KLK3: variants seen among roughly 807,000 people sequenced by gnomAD.
KLK3 encodes prostate-specific antigen.
Under a neutral mutation model 27.7 loss-of-function variants are expected in KLK3, and 23 were observed. The ratio of observed to expected loss-of-function variants is 0.83; its 90% CI spans 0.60 to 1.17. The LOEUF (loss-of-function observed/expected upper bound fraction) is 1.17. Among genes scored for constraint, KLK3 ranks in the 50% most tolerant of loss-of-function variants. KLK3 has a pLI of 0.00. For synonymous variants in KLK3, 142 were observed against 134.2 expected (o/e 1.06, Z -0.40); for missense variants, 322 against 338.1 (o/e 0.95, Z 0.37).
chr19:50,859,984 G>T lies in KLK3; in HGVS notation c.643G>T (p.Gly215Cys), dbSNP rs1216213823. Reference sequence around the variant, plus strand: ...CTTTTACCCTTAGGGTGATTCTGGGGGCCCACTTGTCTGTAATGGTGTGCT... The same window carrying T: ...CTTTTACCCTTAGGGTGATTCTGGGTGCCCACTTGTCTGTAATGGTGTGCT... ...GKSTCSGDSG[G>C]PLVCNGVLQG... Residue 215 changes from glycine to cysteine, a missense_variant, in exon 5 of 5, where the codon GGC (glycine) becomes TGC (cysteine). Physicochemically the swap from Gly to Cys is radical, Grantham distance 159 (BLOSUM62 -3). Transcript: ENST00000326003. 6.2e-7 allele frequency: 1 copy of T among 1,612,730 alleles called. No individual in the cohort carries two copies. The highest frequency in any genetic ancestry group is 1.1e-5 in the South Asian group (1 of 90,988).
At chr19:50,855,156 C>A (rs1340967424) in intron 1 of KLK3, 155 bp downstream of exon 1, 1 of 689,728 alleles carries the variant, frequency 1.4e-6, no homozygotes, top group Non-Finnish European at 2.5e-6. Flanking sequence ...ATACCCCCAG[C>A]CCCTCCATAT....
rs1385021003 is a variant in KLK3, at chr19:50,858,472, GA to G, written c.510del (p.Lys170AsnfsTer23). ...IEPEEFLTPK[K>X]LQCVDLHVIS... is the part of the protein sequence containing the mutation. ...CCTGGCCCGTAGTCTTGACCCCAAA[GA>G]AACTTCAGTGTGTGGACCTCCATGT... On this transcript the variant is annotated frameshift_variant, in exon 4 of 5. Coordinates refer to ENST00000326003, the MANE Select transcript of KLK3 (RefSeq NM_001648.2). LOFTEE classifies it high-confidence loss of function. 6.2e-7 allele frequency: 1 copy of G among 1,614,092 alleles called. No homozygotes were observed. Among genetic ancestry groups the G allele is most frequent in the Non-Finnish European group, 8.5e-7 (1 of 1,180,040 alleles).
intron 1 of KLK3, 130 bp downstream of exon 1, chr19:50,855,131 C>A (rs1348049015): frequency 3.3e-6 from 3 of 896,590 alleles, no homozygotes; most frequent in Non-Finnish European, 5.3e-6. Flanking sequence ...TCTCTCCCAG[C>A]CCCACTCCAA....
intron 2 of KLK3, 58 bp downstream of exon 2, chr19:50,856,457 T>C: frequency 6.3e-7 from 1 of 1,578,264 alleles, no homozygotes; most frequent in Non-Finnish European, 8.6e-7. Flanking sequence ...GAATAACAGC[T>C]GGGCATTTTC....
In KLK3 at chr19:50,858,828, A is replaced by C. The variant is rs149172274; in HGVS notation, c.630+233A>C. ...TTCCTGCGTTCAGCACACGGTTACT[A>C]GGCACCTGCTATGCACCCAGCACTG... On this transcript the variant is annotated intron_variant, in intron 4 of 4. Coordinates refer to ENST00000326003, the MANE Select transcript of KLK3 (RefSeq NM_001648.2). 2.0e-3 allele frequency: 1,229 copies of C among 605,296 alleles called. 7 individuals are homozygous for C. Among genetic ancestry groups the C allele is most frequent in the African/African-American group, 0.02 (1,094 of 54,034 alleles). The allele number at this position is 605,296 out of a possible 1,614,324, so 37.5% of individuals were successfully genotyped here. A position where few individuals can be genotyped will look rare whatever the true frequency, so the allele number is the denominator to read the frequency against.
intron 4 of KLK3, chr19:50,859,618 C>T (rs756951776): frequency 1.9e-6 from 3 of 1,613,276 alleles, no homozygotes; most frequent in African/African-American, 1.3e-5. Context: ...GGTGTCTAGT[C>T]AGAGAGTAGT....
At chr19:50,857,512 A>C (rs266877) in intron 2 of KLK3, 1 of 155,226 alleles carries the variant, frequency 6.4e-6, no homozygotes, top group African/African-American at 2.4e-5. Context: ...TCCCCTCCCC[A>C]GCGGTCCCCA....
intron 2 of KLK3, among the ~76,000 whole-genome samples, chr19:50,857,180 A>G (rs1446376968): frequency 2.9e-5 from 4 of 135,916 alleles, no homozygotes; most frequent in Non-Finnish European, 4.7e-5. Flanking sequence ...AAAAAAAAAA[A>G]AAAGAAAAGA....
chr19:50,858,867 G>A, intron 4 of KLK3: 1 of 566,486 alleles, frequency 1.8e-6, no homozygotes, highest in South Asian at 2.4e-5. Context: ...TAGAGCCTGG[G>A]ACATAGCAGT....
intron 4 of KLK3, chr19:50,859,500 C>T (rs1259282588): frequency 6.3e-7 from 1 of 1,575,360 alleles, no homozygotes; most frequent in Non-Finnish European, 8.7e-7. Flanking sequence ...TCAGTCTCTC[C>T]CCTCCACTCC....
Position 50,857,913 on chromosome 19 carries a change from C to G in KLK3, c.207-116C>G, listed in dbSNP as rs532486399. 25 of 1,150,410 alleles carry G rather than the reference C, an allele frequency of 2.2e-5. No individual in the cohort carries two copies. In the Middle Eastern group the frequency reaches 1.8e-3, roughly 81 times the overall value. The allele number at this position is 1,150,410 out of a possible 1,614,324, so 71.3% of individuals were successfully genotyped here. On this transcript the variant is annotated intron_variant, in intron 2 of 4. Coordinates refer to ENST00000326003, the MANE Select transcript of KLK3 (RefSeq NM_001648.2). ...TGGCCTGAACTGTGTCTTCCCCAACCCTGTGTTTTTCTCACTGTTTCTTTT... is the reference window on the plus strand; with the variant it reads ...TGGCCTGAACTGTGTCTTCCCCAACGCTGTGTTTTTCTCACTGTTTCTTTT...
Position 50,856,661 on chromosome 19 carries a change from C to T in KLK3, c.206+262C>T, listed in dbSNP as rs371319546. On this transcript the variant is annotated intron_variant, in intron 2 of 4. Transcript: ENST00000326003. ...GTAACTGGCTTCGGTTGTGTCTCTCCGTGTGACTATTTTGTTCTCTCTCTC... is the reference window on the plus strand; with the variant it reads ...GTAACTGGCTTCGGTTGTGTCTCTCTGTGTGACTATTTTGTTCTCTCTCTC... 1.4e-4 allele frequency: 62 copies of T among 450,800 alleles called. No individual in the cohort carries two copies. The South Asian group carries it at 1.8e-3, about 13-fold the overall frequency. 27.9% of individuals were successfully genotyped at this position (450,800 alleles called of 1,614,324 possible).
At chr19:50,856,797 G>A (rs73591103) in intron 2 of KLK3, 2,569 of 181,402 alleles carry the variant, frequency 0.014, 68 homozygotes, top group African/African-American at 0.058. Flanking sequence ...TCTGTCTCTC[G>A]GTCTCTGTCT....
Position 50,860,283 on chromosome 19 carries a change from G to T in KLK3, c.*156G>T. On this transcript the variant is annotated 3_prime_UTR_variant, in exon 5 of 5. Transcript: ENST00000326003. ...AGCAGACACAGGTGTAGACCAGAGTGTTTCTTAAATGGTGTAATTTTGTCC... is the reference window on the plus strand; with the variant it reads ...AGCAGACACAGGTGTAGACCAGAGTTTTTCTTAAATGGTGTAATTTTGTCC... The T allele has an allele frequency of 3.4e-6, 2 of 582,904 alleles. No individual in the cohort carries two copies. The allele number at this position is 582,904 out of a possible 1,614,324, so 36.1% of individuals were successfully genotyped here.
intron 4 of KLK3, chr19:50,859,566 CT>C (rs2090171514): frequency 6.2e-7 from 1 of 1,613,836 alleles, no homozygotes; most frequent in Admixed American, 1.7e-5. Flanking sequence ...CATGCCAGCC[CT>C]GCCGATGGTC....
At position 50,860,022 on chromosome 19, in the gene KLK3, G is replaced by T. The variant is rs61736309; in HGVS notation, c.681G>T (p.Thr227=). The T allele has an allele frequency of 6.2e-7, 1 of 1,613,984 alleles. No homozygotes were observed. Among genetic ancestry groups the T allele is most frequent in the African/African-American group, 1.3e-5 (1 of 74,916 alleles). Residue 227 remains threonine (T), a synonymous_variant, in exon 5 of 5, where the codon ACG becomes ACT. Transcript: ENST00000326003. ...LVCNGVLQGI[T]SWGSEPCALP... ...GTAATGGTGTGCTTCAAGGTATCAC[G>T]TCATGGGGCAGTGAACCATGTGCCC...
intron 4 of KLK3, chr19:50,859,462 C>A: frequency 7.3e-7 from 1 of 1,364,806 alleles, no homozygotes; most frequent in Non-Finnish European, 1.0e-6. Context: ...TGGGCCCTTA[C>A]CCAGCCTCCC....
chr19:50,860,148 T>C lies in KLK3; in HGVS notation c.*21T>C. The stretch of plus-strand genomic sequence containing the variant: ...CCTGAGCACCCCTATCAACCCCCTA[T>C]TGTAGTAAACTTGGAACCTTGGAAA... On this transcript the variant is annotated 3_prime_UTR_variant, in exon 5 of 5. Transcript: ENST00000326003. 1.3e-6 allele frequency: 2 copies of C among 1,571,104 alleles called. No homozygotes were observed. Among genetic ancestry groups the C allele is most frequent in the East Asian group, 2.2e-5 (1 of 44,572 alleles).
chr19:50,855,159 C>A, intron 1 of KLK3, 158 bp downstream of exon 1: 1 of 676,042 alleles, frequency 1.5e-6, no homozygotes, highest in South Asian at 1.8e-5. Flanking sequence ...CCCCCAGCCC[C>A]TCCATATTGC....
Sources: gnomAD v4.1 joint callset for allele counts (sites outside exome capture counted in the v4.1 genomes callset) on GRCh38, gnomAD v4.1.1 for gene constraint, MANE v1.5 for transcripts, NCBI Gene and HGNC (gene_info 2026-07-23, HGNC 2026-07-21) for gene names.